Variants in LARP4B observed in about 807,000 individuals in gnomAD.
LARP4B encodes the protein La ribonucleoprotein 4B.
In LARP4B, 12 loss-of-function variants were observed where a neutral mutation model predicts 89.8. The ratio of observed to expected loss-of-function variants is 0.13; its 90% CI spans 0.09 to 0.22. The LOEUF is 0.22. LARP4B is among the 10% of genes least tolerant of loss of function. LARP4B has a pLI of 1.00. For missense variants in LARP4B, 757 were observed against 947.7 expected, an observed-to-expected ratio of 0.80 and a Z score of 2.64; for synonymous variants, 367 against 363.3, an observed-to-expected ratio of 1.01 and a Z score of -0.12.
At chr10:855,011 T>G (rs1245709617) in intron 5 of LARP4B, among the ~76,000 whole-genome samples, 3 of 152,344 alleles carry the variant, frequency 2.0e-5, no homozygotes, top group African/African-American at 7.2e-5. Flanking sequence ...TTTCTTTAAC[T>G]TCATGAAATA....
In LARP4B at chr10:879,811, T is replaced by A. The variant is rs1460221099; in HGVS notation, c.141+4636A>T. On this transcript the variant is annotated intron_variant, in intron 3 of 17. Transcript: ENST00000316157. ...TTTTTGAGACAGAGTTTCGCTCTTG[T>A]TGCCCAGGCTGGAGTGCAATGGCAC... Among the ~76,000 whole-genome samples, 7 of 151,978 alleles carry A rather than the reference T, an allele frequency of 4.6e-5. No individual in the cohort carries two copies. The East Asian group carries it at 9.7e-4, about 21-fold the overall frequency.
chr10:845,289 T>C (rs928609477), intron 5 of LARP4B, among the ~76,000 whole-genome samples: 1 of 152,220 alleles, frequency 6.6e-6, no homozygotes, highest in Non-Finnish European at 1.5e-5. Flanking sequence ...TAAGTCTCAT[T>C]AGCAGAGTTC....
At chr10:959,885 G>GTCAATCCACCTCCTCC in the LARP4B span, among the ~76,000 whole-genome samples, 2 of 88,742 alleles carry the variant, frequency 2.3e-5, no homozygotes, top group Non-Finnish European at 4.4e-5. Flanking sequence ...CCACCTCCTC[G>GTCAATCCACCTCCTCC]TCAATCCACC....
At chr10:972,363 A>G in the LARP4B span, 7 of 406,082 alleles carry the variant, frequency 1.7e-5, no homozygotes, top group African/African-American at 1.2e-4. Flanking sequence ...CACCAGGGGA[A>G]GGCCCTCACC....
At chr10:927,292 G>T (rs988223598) in intron 1 of LARP4B, among the ~76,000 whole-genome samples, 1 of 152,140 alleles carries the variant, frequency 6.6e-6, no homozygotes, top group Admixed American at 6.5e-5. Flanking sequence ...TGGCGGGGGG[G>T]CAGTGAGAAA....
chr10:875,700 A>G (rs1460456351), intron 3 of LARP4B, among the ~76,000 whole-genome samples: 1 of 152,122 alleles, frequency 6.6e-6, no homozygotes. Context: ...AGTCACTCCC[A>G]CCACAATGGC....
intron 3 of LARP4B, among the ~76,000 whole-genome samples, chr10:866,351 C>T (rs1417766827): frequency 6.6e-6 from 1 of 152,188 alleles, no homozygotes; most frequent in African/African-American, 2.4e-5. Context: ...TGTTACTTGC[C>T]CTCTTCTCTC....
In LARP4B at chr10:868,606, T is replaced by A. The variant is rs981024563; in HGVS notation, c.142-4336A>T. ...GACACTGGTAACTAACTGAAAATTA[T>A]GTCACTTCTGTAAAAGATTAACTGC... On this transcript the variant is annotated intron_variant, in intron 3 of 17. Transcript: ENST00000316157. Among the ~76,000 whole-genome samples the A allele has an allele frequency of 2.0e-5, 3 of 152,258 alleles. No homozygotes were observed. In the East Asian group the frequency reaches 5.8e-4, roughly 29 times the overall value.
At chr10:913,225 T>C (rs1836722561) in intron 1 of LARP4B, among the ~76,000 whole-genome samples, 1 of 152,154 alleles carries the variant, frequency 6.6e-6, no homozygotes, top group Non-Finnish European at 1.5e-5. Flanking sequence ...AGACTGATAG[T>C]CTAAAGGAGG....
At position 862,454 on chromosome 10, in the gene LARP4B, C is replaced by A. The variant is rs553565740; in HGVS notation, c.430+1289G>T. Among the ~76,000 whole-genome samples, 3 of 151,712 alleles carry A rather than the reference C, an allele frequency of 2.0e-5. No individual in the cohort carries two copies. The South Asian group carries it at 6.3e-4, about 32-fold the overall frequency. On this transcript the variant is annotated intron_variant, in intron 5 of 17. Transcript: ENST00000316157. ...CACTGGGATAACGAAAAGCCCATGG[C>A]AAGTGGGGTGGGGGAGGGGACAGGG... is the stretch of plus-strand genomic sequence containing the variant.
At chr10:873,904 C>T (rs1468759598) in intron 3 of LARP4B, among the ~76,000 whole-genome samples, 1 of 152,110 alleles carries the variant, frequency 6.6e-6, no homozygotes, top group Non-Finnish European at 1.5e-5. Context: ...AAAGTTAAAA[C>T]AGTCATGTGC....
chr10:892,144 C>T (rs1836047580), intron 1 of LARP4B, among the ~76,000 whole-genome samples: 1 of 152,268 alleles, frequency 6.6e-6, no homozygotes, highest in African/African-American at 2.4e-5. Context: ...GCGGGCTCCG[C>T]ACTCGCCAGT....
At chr10:925,382 G>C (rs1031933996) in intron 1 of LARP4B, among the ~76,000 whole-genome samples, 2 of 151,786 alleles carry the variant, frequency 1.3e-5, no homozygotes, top group African/African-American at 4.8e-5. Context: ...ATACTTAACA[G>C]AAAATAAAAA....
At chr10:835,634 A>G (rs1278492939) in intron 8 of LARP4B, among the ~76,000 whole-genome samples, 1 of 152,264 alleles carries the variant, frequency 6.6e-6, no homozygotes, top group Non-Finnish European at 1.5e-5. Context: ...ATAGCAACAC[A>G]TAACAGTAAA....
chr10:848,146 C>T (rs903180024), intron 5 of LARP4B, among the ~76,000 whole-genome samples: 2 of 152,136 alleles, frequency 1.3e-5, no homozygotes, highest in African/African-American at 4.8e-5. Context: ...CATTCACGTG[C>T]AGAGCCTGAA....
At chr10:973,650 C>CTGT in the LARP4B span, among the ~76,000 whole-genome samples, 1 of 152,154 alleles carries the variant, frequency 6.6e-6, no homozygotes, top group Non-Finnish European at 1.5e-5. Context: ...TGCGCCTGGC[C>CTGT]TGTTGAACTT....
At chr10:885,795 G>T in intron 1 of LARP4B, 35 bp from the exon 2 acceptor site, 1 of 1,028,746 alleles carries the variant, frequency 9.7e-7, no homozygotes, top group Non-Finnish European at 1.5e-6. Flanking sequence ...CAGGTCATTT[G>T]AAGGGCACAG....
chr10:983,493 C>A, the LARP4B span, among the ~76,000 whole-genome samples: 1 of 152,268 alleles, frequency 6.6e-6, no homozygotes, highest in East Asian at 1.9e-4. Context: ...ATCAGGACAC[C>A]AGCATAGTTG....
intron 1 of LARP4B, among the ~76,000 whole-genome samples, chr10:920,829 T>C (rs888956586): frequency 7.1e-4 from 108 of 152,142 alleles, no homozygotes; most frequent in African/African-American, 2.6e-3. Flanking sequence ...TCCAGACTGA[T>C]AACGATGGAA....
Sources: gnomAD v4.1 joint callset for allele counts (sites outside exome capture counted in the v4.1 genomes callset) on GRCh38, gnomAD v4.1.1 for gene constraint, MANE v1.5 for transcripts, NCBI Gene and HGNC (gene_info 2026-07-23, HGNC 2026-07-21) for gene names.